IGSF11: variants seen among roughly 807,000 people sequenced by gnomAD.
IGSF11 encodes CXADR like 1.
A neutral mutation model predicts 41.0 loss-of-function variants in IGSF11; 22 were observed. That is an observed-to-expected ratio of 0.54 (90% CI 0.38 to 0.77). The LOEUF is 0.77. IGSF11 is among the 30% of genes least tolerant of loss of function. IGSF11 has a pLI of 0.00. For synonymous variants in IGSF11, 219 were observed against 201.3 expected (o/e 1.09, Z -0.74); for missense variants, 444 against 530.8 (o/e 0.84, Z 1.61).
intron 1 of IGSF11, among the ~76,000 whole-genome samples, chr3:119,135,002 T>C (rs1200339658): frequency 6.6e-6 from 1 of 152,212 alleles, no homozygotes; most frequent in Non-Finnish European, 1.5e-5. Context: ...GAAAACTAGC[T>C]AGCCATATGT....
At chr3:119,045,520 G>C (rs1941304479) in intron 1 of IGSF11, among the ~76,000 whole-genome samples, 1 of 152,178 alleles carries the variant, frequency 6.6e-6, no homozygotes, top group African/African-American at 2.4e-5. Context: ...CTGATTGCTA[G>C]CACAGCAGTC....
At chr3:119,075,333 T>C (rs1358177862) in intron 1 of IGSF11, among the ~76,000 whole-genome samples, 1 of 151,770 alleles carries the variant, frequency 6.6e-6, no homozygotes. Flanking sequence ...AAATCAATAA[T>C]AAAAAACCTA....
intron 1 of IGSF11, among the ~76,000 whole-genome samples, chr3:119,007,733 C>G (rs868831211): frequency 6.6e-6 from 1 of 152,102 alleles, no homozygotes. Context: ...TCCTACAACT[C>G]GACATTTCAA....
At chr3:118,903,565 A>G (rs1939187096) in intron 6 of IGSF11, among the ~76,000 whole-genome samples, 1 of 152,148 alleles carries the variant, frequency 6.6e-6, no homozygotes, top group South Asian at 2.1e-4. Context: ...GGTGCTGATG[A>G]GAGGTTTTCC....
chr3:119,012,832 A>C (rs1215065314), intron 1 of IGSF11: 1 of 152,272 alleles, frequency 6.6e-6, no homozygotes, highest in Non-Finnish European at 1.5e-5. Flanking sequence ...CTTCCAATCC[A>C]TCCTCCACAC....
chr3:118,985,582 G>A (rs1935173957), intron 1 of IGSF11, among the ~76,000 whole-genome samples: 1 of 152,098 alleles, frequency 6.6e-6, no homozygotes, highest in Non-Finnish European at 1.5e-5. Flanking sequence ...AAACTGAATT[G>A]ATCATCTTTT....
chr3:119,073,633 T>G (rs1280748002), intron 1 of IGSF11, among the ~76,000 whole-genome samples: 1 of 152,174 alleles, frequency 6.6e-6, no homozygotes, highest in Non-Finnish European at 1.5e-5. Context: ...CGCTCTGCAG[T>G]TGCTGGCCCA....
At chr3:119,122,481 G>C (rs925878446) in intron 1 of IGSF11, among the ~76,000 whole-genome samples, 1 of 152,196 alleles carries the variant, frequency 6.6e-6, no homozygotes, top group African/African-American at 2.4e-5. Context: ...AGGCCACAAG[G>C]ACTGCAACTC....
At chr3:118,927,225 G>T (rs1942406713) in intron 3 of IGSF11, among the ~76,000 whole-genome samples, 2 of 152,238 alleles carry the variant, frequency 1.3e-5, no homozygotes, top group African/African-American at 4.8e-5. Flanking sequence ...TGTGATGCCA[G>T]GAAGAGAAAC....
rs1343112939 is a variant in IGSF11 at position 119,002,277 on chromosome 3, G to A, written c.52+32254C>T. On this transcript the variant is annotated intron_variant, in intron 1 of 6. Transcript: ENST00000393775. ...TGGCTGCATAAATGTCTTCTTTTGA[G>A]AAGTGTCTGTTCATGTCCTTCACCC... Among the ~76,000 whole-genome samples, 646 of 146,522 alleles carry A rather than the reference G, an allele frequency of 4.4e-3. 3 individuals carry two copies. The highest frequency in any genetic ancestry group is 0.016 in the African/African-American group (605 of 38,822).
chr3:119,029,212 T>TACACACACACACAC (rs1940135621), intron 1 of IGSF11, among the ~76,000 whole-genome samples: 1 of 62,758 alleles, frequency 1.6e-5, no homozygotes, highest in African/African-American at 7.8e-5. Context: ...ACACACACGG[T>TACACACACACACAC]AGACATGGTA....
At chr3:119,048,382 A>G (rs546261211) in intron 1 of IGSF11, among the ~76,000 whole-genome samples, 127 of 152,316 alleles carry the variant, frequency 8.3e-4, no homozygotes, top group African/African-American at 3.0e-3. Context: ...CTACGCAAAT[A>G]AACTAGAAAA....
chr3:118,957,020 A>G (rs1226462815), intron 1 of IGSF11, among the ~76,000 whole-genome samples: 1 of 152,064 alleles, frequency 6.6e-6, no homozygotes. Flanking sequence ...GAGAAGTCCC[A>G]TGATTTTCCA....
At chr3:118,985,329 A>G (rs1935144373) in intron 1 of IGSF11, among the ~76,000 whole-genome samples, 1 of 152,192 alleles carries the variant, frequency 6.6e-6, no homozygotes, top group Non-Finnish European at 1.5e-5. Flanking sequence ...AATCTACTGG[A>G]TATTTTTAAC....
At chr3:119,058,841 G>A (rs948061964) in intron 1 of IGSF11, among the ~76,000 whole-genome samples, 34 of 152,272 alleles carry the variant, frequency 2.2e-4, no homozygotes, top group African/African-American at 7.2e-4. Flanking sequence ...GGATGAAGCT[G>A]GAAACCATCA....
chr3:119,138,469 G>C (rs1254890867), intron 1 of IGSF11, among the ~76,000 whole-genome samples: 1 of 152,222 alleles, frequency 6.6e-6, no homozygotes, highest in Non-Finnish European at 1.5e-5. Context: ...CAGATCACTT[G>C]AGTTCTGGAA....
chr3:118,914,406 G>A (rs2107495891), intron 4 of IGSF11, among the ~76,000 whole-genome samples: 1 of 151,692 alleles, frequency 6.6e-6, no homozygotes, highest in Non-Finnish European at 1.5e-5. Context: ...CGCGCACCGT[G>A]TGCGAGCCGA....
chr3:119,034,596 G>A lies in IGSF11; in HGVS notation c.-14C>T. The A allele has an allele frequency of 6.3e-7, 1 of 1,584,382 alleles. No individual in the cohort carries two copies. Among genetic ancestry groups the A allele is most frequent in the South Asian group, 1.2e-5 (1 of 86,308 alleles). ...CTGAGAAGTCATCCCGGGGCCGCAGGGAGCGCGCCTGCCTCCTACCCGGCT... is the reference window on the plus strand; with the variant it reads ...CTGAGAAGTCATCCCGGGGCCGCAGAGAGCGCGCCTGCCTCCTACCCGGCT... On this transcript the variant is annotated 5_prime_UTR_variant, in exon 1 of 7. Coordinates refer to ENST00000393775, the MANE Select transcript of IGSF11 (RefSeq NM_001015887.3).
intron 1 of IGSF11, among the ~76,000 whole-genome samples, chr3:119,053,323 A>G (rs763946223): frequency 2.0e-5 from 3 of 152,212 alleles, no homozygotes; most frequent in Non-Finnish European, 4.4e-5. Context: ...GTTGCAGAAT[A>G]TAAAATCAAT....
Sources: allele counts gnomAD v4.1 joint callset (sites outside exome capture counted in the v4.1 genomes callset), GRCh38; gene constraint gnomAD v4.1.1; transcripts MANE v1.5; gene names NCBI Gene and HGNC (gene_info 2026-07-23, HGNC 2026-07-21).